Variants in PPARA observed in about 807,000 individuals in gnomAD.
PPARA encodes the protein peroxisome proliferator activated receptor alpha, also known as peroxisome proliferator-activated receptor alpha.
A neutral mutation model predicts 42.2 loss-of-function variants in PPARA; 22 were observed. That is an observed-to-expected ratio of 0.52 (90% CI 0.37 to 0.74). The LOEUF (loss-of-function observed/expected upper bound fraction) is 0.74. Ranked by LOEUF, PPARA falls within the 30% of genes least tolerant of loss-of-function variation. PPARA has a pLI of 0.00. For missense variants in PPARA, 465 were observed against 608.2 expected (o/e 0.76, Z 2.48); for synonymous variants, 242 against 239.3 (o/e 1.01, Z -0.10).
chr22:46,196,249 C>T lies in PPARA; in HGVS notation c.-42-2093C>T, dbSNP rs114701425. Among the ~76,000 whole-genome samples the T allele has an allele frequency of 1.8e-3, 271 of 152,322 alleles. 1 individual carries two copies. Among genetic ancestry groups the T allele is most frequent in the African/African-American group, 5.8e-3 (241 of 41,572 alleles). On this transcript the variant is annotated intron_variant, in intron 3 of 8. Coordinates refer to ENST00000407236, the MANE Select transcript of PPARA (RefSeq NM_005036.6). This position sits in a 1 kb window ranked among gnomAD's most constrained non-coding sequence, Gnocchi z 5.6. ...CTTATACCCCTATGGAAATGCCGTT[C>T]GCTTTGCTAGTTGAAATAGCCTACC... is the stretch of plus-strand genomic sequence containing the variant.
In PPARA at chr22:46,185,968, C is replaced by T. The variant is rs867737536; in HGVS notation, c.-43+9132C>T. 2.7e-3 allele frequency among the ~76,000 whole-genome samples: 232 copies of T among 87,122 alleles called. 2 individuals are homozygous for T. The highest frequency in any genetic ancestry group is 4.1e-3 in the African/African-American group (99 of 24,182). The allele number at this position is 87,122 out of a possible 152,430, so 57.2% of individuals were successfully genotyped here. A position where few individuals can be genotyped will look rare whatever the true frequency, so the allele number is the denominator to read the frequency against. On this transcript the variant is annotated intron_variant, in intron 3 of 8. Transcript: ENST00000407236. ...ATATATATATATATATATATATACA[C>T]ACACACTAACCTTCAGCATATAGGA... is the stretch of plus-strand genomic sequence containing the variant.
rs1462233485 is a variant in PPARA, at chr22:46,233,523, C to T, written c.1159+1284C>T. 3.3e-5 allele frequency among the ~76,000 whole-genome samples: 5 copies of T among 152,304 alleles called. No homozygotes were observed. The highest frequency in any genetic ancestry group is 1.2e-4 in the African/African-American group (5 of 41,570). On this transcript the variant is annotated intron_variant, in intron 8 of 8. Transcript: ENST00000407236. This position sits in a 1 kb window ranked among gnomAD's most constrained non-coding sequence, Gnocchi z 7.3. ...ATGGAGCTGACTCAGCCCTACCAGC[C>T]GTGCCCGTTACTGTGTGGCTGGGCA...
At chr22:46,209,214 C>A (rs1285632634) in intron 4 of PPARA, among the ~76,000 whole-genome samples, 1 of 152,154 alleles carries the variant, frequency 6.6e-6, no homozygotes. Context: ...TACATGCTTG[C>A]CAACCACTTG....
chr22:46,175,489 G>T (rs373208281), intron 2 of PPARA, among the ~76,000 whole-genome samples: 4 of 152,008 alleles, frequency 2.6e-5, no homozygotes, highest in African/African-American at 9.7e-5. Context: ...CGAGGCAGGC[G>T]GATCACGAGG....
rs2147519433 is a variant in PPARA at position 46,212,829 on chromosome 22, C to G, written c.209-2344C>G. ...TGGCCAACATGGTGAAACGCTGTCT[C>G]TACTAAAAATACAAAAATTAGCCGG... On this transcript the variant is annotated intron_variant, in intron 4 of 8. Transcript: ENST00000407236. The surrounding 1 kb of genome is among the most constrained non-coding windows in gnomAD (Gnocchi z 4.2). 6.6e-6 allele frequency among the ~76,000 whole-genome samples: 1 copy of G among 152,190 alleles called. No individual in the cohort carries two copies. Among genetic ancestry groups the G allele is most frequent in the African/African-American group, 2.4e-5 (1 of 41,544 alleles).
rs907641813 is a variant in PPARA at position 46,239,460 on chromosome 22, C to G, written c.*4080C>G. Reference sequence around the variant, plus strand: ...GGGATGGAGACTCCTTGAGTGCACACACCTGAGCCTGCCCACACACAGGGG... The same window carrying G: ...GGGATGGAGACTCCTTGAGTGCACAGACCTGAGCCTGCCCACACACAGGGG... On this transcript the variant is annotated 3_prime_UTR_variant, in exon 9 of 9. Transcript: ENST00000407236. The G allele has an allele frequency of 6.7e-6, 1 of 150,264 alleles. No homozygotes were observed. The highest frequency in any genetic ancestry group is 2.0e-4 in the East Asian group (1 of 5,096). The allele number at this position is 150,264 out of a possible 1,614,324, so 9.3% of individuals were successfully genotyped here.
intron 7 of PPARA, chr22:46,220,220 A>G (rs4253757): frequency 1.1e-5 from 7 of 663,434 alleles, no homozygotes; most frequent in Admixed American, 7.1e-5. Context: ...AGCCACCTCA[A>G]AGCTCTTAGC....
In PPARA at chr22:46,156,372, A is replaced by G. The variant is rs1419093509; in HGVS notation, c.-127+4402A>G. On this transcript the variant is annotated intron_variant, in intron 2 of 8. Transcript: ENST00000407236. This position sits in a 1 kb window ranked among gnomAD's most constrained non-coding sequence, Gnocchi z 5.2. ...GAAGTGGCAGCTTAAAAAACTGCCC[A>G]TCTCAGGAGGTGTCTTAAGAAGGAG... is the stretch of plus-strand genomic sequence containing the variant. The G allele has an allele frequency of 1.4e-4, 22 of 152,168 alleles. No individual in the cohort carries two copies. The allele number at this position is 152,168 out of a possible 1,614,324, so 9.4% of individuals were successfully genotyped here. A position where few individuals can be genotyped will look rare whatever the true frequency, so the allele number is the denominator to read the frequency against.
intron 5 of PPARA, among the ~76,000 whole-genome samples, 180 bp from the exon 6 acceptor site, chr22:46,218,083 A>G (rs4253751): frequency 0.24 from 36,886 of 151,704 alleles, 4,702 homozygotes; most frequent in African/African-American, 0.33. Flanking sequence ...CACCCGCCTC[A>G]GCCTCCTAAA....
At chr22:46,209,957 C>G (rs1440011716) in intron 4 of PPARA, among the ~76,000 whole-genome samples, 1 of 152,148 alleles carries the variant, frequency 6.6e-6, no homozygotes, top group Non-Finnish European at 1.5e-5. Context: ...GTTGCCCAGA[C>G]TGGTCTCAAA....
At chr22:46,214,989 A>G (rs112915463) in intron 4 of PPARA, among the ~76,000 whole-genome samples, 184 bp from the exon 5 acceptor site, 17 of 152,234 alleles carry the variant, frequency 1.1e-4, no homozygotes, top group African/African-American at 4.1e-4. Context: ...AGCACAGCAC[A>G]ATGGCAGCTG....
intron 2 of PPARA, among the ~76,000 whole-genome samples, chr22:46,166,900 A>T (rs1271359400): frequency 6.6e-6 from 1 of 152,320 alleles, no homozygotes; most frequent in East Asian, 1.9e-4. Flanking sequence ...TTTATATGGA[A>T]ATGCAAGGAA....
rs1404390230 is a variant in PPARA at position 46,195,844 on chromosome 22, C to G, written c.-42-2498C>G. 6.6e-6 allele frequency among the ~76,000 whole-genome samples: 1 copy of G among 152,104 alleles called. No individual in the cohort carries two copies. Among genetic ancestry groups the G allele is most frequent in the African/African-American group, 2.4e-5 (1 of 41,418 alleles). On this transcript the variant is annotated intron_variant, in intron 3 of 8. Coordinates refer to ENST00000407236, the MANE Select transcript of PPARA (RefSeq NM_005036.6). This position sits in a 1 kb window ranked among gnomAD's most constrained non-coding sequence, Gnocchi z 4.6. ...GTGTGCGCCGTGGGCACCATGTGACCATTTTCAGAAAGGAAGACAGTTCTG... is the reference window on the plus strand; with the variant it reads ...GTGTGCGCCGTGGGCACCATGTGACGATTTTCAGAAAGGAAGACAGTTCTG...
Position 46,221,967 on chromosome 22 carries a change from C to T in PPARA, c.711+1953C>T, listed in dbSNP as rs1441261942. Among the ~76,000 whole-genome samples the T allele has an allele frequency of 2.0e-5, 3 of 152,060 alleles. No homozygotes were observed. The highest frequency in any genetic ancestry group is 4.4e-5 in the Non-Finnish European group (3 of 68,016). On this transcript the variant is annotated intron_variant, in intron 7 of 8. Coordinates refer to ENST00000407236, the MANE Select transcript of PPARA (RefSeq NM_005036.6). The surrounding 1 kb of genome is among the most constrained non-coding windows in gnomAD (Gnocchi z 5.9). ...TAGCGGTTGCCTGTAATCCCAGCTA[C>T]TTGGGAGGCTGAGGCAGGAGAATTG...
rs971399608 is a variant in PPARA, at chr22:46,188,460, C to T, written c.-42-9882C>T. Among the ~76,000 whole-genome samples the T allele has an allele frequency of 6.6e-6, 1 of 152,016 alleles. No homozygotes were observed. Among genetic ancestry groups the T allele is most frequent in the African/African-American group, 2.4e-5 (1 of 41,300 alleles). ...CTTCCTGTATGTAGGCTCCCTGGCC[C>T]TCCAGGATTCCCCCAGTAACAGCCC... On this transcript the variant is annotated intron_variant, in intron 3 of 8. Transcript: ENST00000407236. This position sits in a 1 kb window ranked among gnomAD's most constrained non-coding sequence, Gnocchi z 5.0.
At chr22:46,170,844 C>T (rs1927910117) in intron 2 of PPARA, among the ~76,000 whole-genome samples, 1 of 151,554 alleles carries the variant, frequency 6.6e-6, no homozygotes, top group African/African-American at 2.4e-5. Context: ...GGATGCATTC[C>T]TGGCAGAAAG....
rs1179898885 is a variant in PPARA at position 46,182,501 on chromosome 22, A to C, written c.-43+5665A>C. On this transcript the variant is annotated intron_variant, in intron 3 of 8. Transcript: ENST00000407236. The surrounding 1 kb of genome is among the most constrained non-coding windows in gnomAD (Gnocchi z 5.2). ...CTTGATTCTATTTGTATAAAACTAG[A>C]AAGTACAAACTAATCTGTAATGACA... 6.6e-6 allele frequency among the ~76,000 whole-genome samples: 1 copy of C among 152,240 alleles called. No homozygotes were observed. Among genetic ancestry groups the C allele is most frequent in the Non-Finnish European group, 1.5e-5 (1 of 68,044 alleles).
rs2147562767 is a variant in PPARA, at chr22:46,216,815, G to T, written c.370-1448G>T. On this transcript the variant is annotated intron_variant, in intron 5 of 8. Coordinates refer to ENST00000407236, the MANE Select transcript of PPARA (RefSeq NM_005036.6). This position sits in a 1 kb window ranked among gnomAD's most constrained non-coding sequence, Gnocchi z 4.5. ...TGGCCCTTCCGTGTTTGTCAGCGTG[G>T]TGATGAGGAGAGCTCCTGTAGCAGC... is the stretch of plus-strand genomic sequence containing the variant. Among the ~76,000 whole-genome samples, 1 of 152,352 alleles carries T rather than the reference G, an allele frequency of 6.6e-6. No individual in the cohort carries two copies. The highest frequency in any genetic ancestry group is 2.1e-4 in the South Asian group (1 of 4,826).
chr22:46,159,418 T>TC (rs1325776343), intron 2 of PPARA, among the ~76,000 whole-genome samples: 3 of 152,194 alleles, frequency 2.0e-5, no homozygotes, highest in Non-Finnish European at 2.9e-5. Flanking sequence ...GTCGTTTTTT[T>TC]CCCCCCACTT....
Sources: allele counts gnomAD v4.1 joint callset (sites outside exome capture counted in the v4.1 genomes callset), GRCh38; gene constraint gnomAD v4.1.1; non-coding constraint Gnocchi (gnomAD v3.1); transcripts MANE v1.5; gene names NCBI Gene and HGNC (gene_info 2026-07-23, HGNC 2026-07-21).